GAREM1: variants seen among roughly 807,000 people sequenced by gnomAD.
GAREM1 encodes the protein GRB2-associated and regulator of MAPK protein 1.
Under a neutral mutation model 71.3 loss-of-function variants are expected in GAREM1, and 26 were observed. That is an observed-to-expected ratio of 0.36 (90% CI 0.27 to 0.51). The LOEUF is 0.51. Ranked by LOEUF, GAREM1 falls within the 20% of genes least tolerant of loss-of-function variation. The pLI is 0.95. For synonymous variants in GAREM1, 440 were observed against 433.2 expected, an observed-to-expected ratio of 1.02 and a Z score of -0.20; for missense variants, 1,026 against 1,103.1, an observed-to-expected ratio of 0.93 and a Z score of 0.99.
intron 2 of GAREM1, among the ~76,000 whole-genome samples, chr18:32,326,104 T>C (rs2047472756): frequency 6.6e-6 from 1 of 152,172 alleles, no homozygotes; most frequent in African/African-American, 2.4e-5. Flanking sequence ...GTATTCTAAA[T>C]TTGACATACA....
At position 32,386,566 on chromosome 18, in the gene GAREM1, G is replaced by A. The variant is rs555411630; in HGVS notation, c.262+6329C>T. On this transcript the variant is annotated intron_variant, in intron 2 of 5. Coordinates refer to ENST00000269209, the MANE Select transcript of GAREM1 (RefSeq NM_001242409.2). The stretch of plus-strand genomic sequence containing the variant: ...GAATTTAAAAATAGAAGCCAAACGC[G>A]GCTGGAGTTTATCTCAGATGCTTAT... Among the ~76,000 whole-genome samples the A allele has an allele frequency of 8.5e-5, 13 of 152,272 alleles. 1 individual carries two copies. In the South Asian group the frequency reaches 2.3e-3, roughly 27 times the overall value.
rs2041378406 is a variant in GAREM1 at position 32,266,698 on chromosome 18, A to G, written c.*1173T>C. On this transcript the variant is annotated 3_prime_UTR_variant, in exon 6 of 6. Transcript: ENST00000269209. ...AAAATACTCAACAGATGTAGCATAT[A>G]TAATAATAAAGGCCGGTGCGTCTGA... 6.6e-6 allele frequency: 1 copy of G among 152,216 alleles called. No individual in the cohort carries two copies. The highest frequency in any genetic ancestry group is 6.5e-5 in the Admixed American group (1 of 15,270). 9.4% of individuals were successfully genotyped at this position (152,216 alleles called of 1,614,324 possible). A position where few individuals can be genotyped will look rare whatever the true frequency, so the allele number is the denominator to read the frequency against.
At chr18:32,361,270 C>T in intron 2 of GAREM1, among the ~76,000 whole-genome samples, 1 of 152,176 alleles carries the variant, frequency 6.6e-6, no homozygotes, top group Non-Finnish European at 1.5e-5. Context: ...CCACACACAC[C>T]TGGCCTACTT....
At chr18:32,461,797 T>G (rs999397050) in intron 1 of GAREM1, among the ~76,000 whole-genome samples, 2 of 152,206 alleles carry the variant, frequency 1.3e-5, no homozygotes, top group African/African-American at 4.8e-5. Context: ...TGGCATATCA[T>G]AGCTGGTGTT....
In GAREM1 at chr18:32,268,411, CTT is replaced by C; in HGVS notation, c.2089_2090del (p.Lys697ValfsTer52). ...EFSSSVSGCP[K>X]SASYSLESTD... ...TGCTCTCCAGAGAGTAGCTGGCTGA[CTT>C]GGGACAACCAGAGACGCTGCTACTG... On this transcript the variant is annotated frameshift_variant, in exon 6 of 6. Transcript: ENST00000269209. LOFTEE classifies it high-confidence loss of function. 6.2e-7 allele frequency: 1 copy of C among 1,614,198 alleles called. No homozygotes were observed. Among genetic ancestry groups the C allele is most frequent in the Non-Finnish European group, 8.5e-7 (1 of 1,180,036 alleles).
At chr18:32,302,044 G>T (rs1362707841) in intron 3 of GAREM1, among the ~76,000 whole-genome samples, 2 of 152,088 alleles carry the variant, frequency 1.3e-5, no homozygotes, top group Admixed American at 1.3e-4. Context: ...TTTTAAAAAG[G>T]AAAATGAATT....
intron 4 of GAREM1, among the ~76,000 whole-genome samples, chr18:32,281,751 G>A (rs1323216893): frequency 1.3e-5 from 2 of 152,036 alleles, no homozygotes; most frequent in African/African-American, 2.4e-5. Context: ...GAGGCAGGTG[G>A]ATCATGAGGT....
At chr18:32,343,938 CCCA>C (rs2047671453) in intron 2 of GAREM1, among the ~76,000 whole-genome samples, 3 of 152,128 alleles carry the variant, frequency 2.0e-5, no homozygotes, top group African/African-American at 7.2e-5. Flanking sequence ...GCTCCTTTCC[CCCA>C]CAAGCCTCTC....
At chr18:32,314,566 T>C (rs1315777353) in intron 2 of GAREM1, among the ~76,000 whole-genome samples, 3 of 151,638 alleles carry the variant, frequency 2.0e-5, no homozygotes, top group Non-Finnish European at 1.5e-5. Context: ...ATACAGATTG[T>C]CATTTCTTGG....
At chr18:32,373,402 C>T (rs956273461) in intron 2 of GAREM1, among the ~76,000 whole-genome samples, 2 of 152,152 alleles carry the variant, frequency 1.3e-5, no homozygotes, top group South Asian at 4.1e-4. Flanking sequence ...ATGTTGAACC[C>T]TAATGCCCAA....
At chr18:32,413,027 G>A in intron 1 of GAREM1, 7 of 1,599,824 alleles carry the variant, frequency 4.4e-6, no homozygotes, top group Non-Finnish European at 1.7e-6. Context: ...AGCGCTTGGT[G>A]TTTGGATCTC....
At position 32,470,510 on chromosome 18, in the gene GAREM1, C is replaced by G; in HGVS notation, c.-82G>C. The G allele has an allele frequency of 9.5e-7, 1 of 1,052,598 alleles. No individual in the cohort carries two copies. 65.2% of individuals were successfully genotyped at this position (1,052,598 alleles called of 1,614,324 possible). ...GCCTCGGCGGCCGCCGCTGCTCGCG[C>G]TCGCGGTCTGGGGCGCGCGGGAGGC... On this transcript the variant is annotated 5_prime_UTR_variant, in exon 1 of 6. Coordinates refer to ENST00000269209, the MANE Select transcript of GAREM1 (RefSeq NM_001242409.2). The surrounding 1 kb of genome is among the most constrained non-coding windows in gnomAD (Gnocchi z 4.4).
intron 3 of GAREM1, among the ~76,000 whole-genome samples, chr18:32,307,271 AG>A (rs1344190370): frequency 6.6e-6 from 1 of 152,168 alleles, no homozygotes; most frequent in Non-Finnish European, 1.5e-5. Context: ...TTTAACTGCA[AG>A]TGCTTTTCTC....
intron 2 of GAREM1, among the ~76,000 whole-genome samples, chr18:32,365,261 A>C (rs1323515821): frequency 2.0e-5 from 3 of 152,242 alleles, no homozygotes; most frequent in Non-Finnish European, 4.4e-5. Flanking sequence ...AATAAATATC[A>C]TTCCAATATT....
intron 2 of GAREM1, among the ~76,000 whole-genome samples, chr18:32,364,028 G>GGTTTTTTTTTTTTTTTTT (rs2047903236): frequency 9.2e-5 from 2 of 21,672 alleles, no homozygotes; most frequent in South Asian, 2.2e-3. Flanking sequence ...ATATATATAT[G>GGTTTTTTTTTTTTTTTTT]TTTTTTTTTT....
At chr18:32,317,407 A>AAAT (rs2047389461) in intron 2 of GAREM1, among the ~76,000 whole-genome samples, 2 of 151,598 alleles carry the variant, frequency 1.3e-5, no homozygotes, top group South Asian at 4.1e-4. Flanking sequence ...AAAAAAAAAA[A>AAAT]AAAAAGCAAA....
intron 2 of GAREM1, among the ~76,000 whole-genome samples, chr18:32,343,727 G>A (rs2047669495): frequency 6.6e-6 from 1 of 152,082 alleles, no homozygotes; most frequent in Non-Finnish European, 1.5e-5. Context: ...TTTACCATTT[G>A]CCTAACATGC....
chr18:32,282,184 T>C (rs541100326), intron 4 of GAREM1, among the ~76,000 whole-genome samples: 1 of 152,234 alleles, frequency 6.6e-6, no homozygotes, highest in African/African-American at 2.4e-5. Context: ...ACAAAGCCTG[T>C]TTGGTGGTCT....
intron 4 of GAREM1, among the ~76,000 whole-genome samples, chr18:32,277,717 T>C (rs2041560786): frequency 6.6e-6 from 1 of 152,232 alleles, no homozygotes; most frequent in Non-Finnish European, 1.5e-5. Flanking sequence ...CTTACAGTTC[T>C]AACTCTTGCT....
Sources: allele counts gnomAD v4.1 joint callset (sites outside exome capture counted in the v4.1 genomes callset), GRCh38; gene constraint gnomAD v4.1.1; non-coding constraint Gnocchi (gnomAD v3.1); transcripts MANE v1.5; gene names NCBI Gene and HGNC (gene_info 2026-07-23, HGNC 2026-07-21).